TNS1: variants seen among roughly 807,000 people sequenced by gnomAD.
TNS1 encodes the protein tensin-1.
A neutral mutation model predicts 168.6 loss-of-function variants in TNS1; 62 were observed. That is an observed-to-expected ratio of 0.37 (90% CI 0.30 to 0.45). TNS1 has a LOEUF of 0.45. Among genes scored for constraint, TNS1 ranks in the 20% least tolerant of loss-of-function variants. The probability of loss-of-function intolerance (pLI) is 1.00; values close to 1 mark genes in which losing one functional copy is unlikely to be tolerated. For missense variants in TNS1, 2,240 were observed against 2,339.4 expected (o/e 0.96, Z 0.88); for synonymous variants, 934 against 933.2 (o/e 1.00, Z -0.02).
At chr2:218,026,272 C>T (rs114281556) in intron 1 of TNS1, among the ~76,000 whole-genome samples, 6 of 152,122 alleles carry the variant, frequency 3.9e-5, no homozygotes, top group Admixed American at 2.0e-4. Flanking sequence ...AGTGTAAGCT[C>T]GAAGGCCGCT....
rs79242024 is a variant in TNS1 at position 217,905,933 on chromosome 2, C to A, written c.321+402G>T. Among the ~76,000 whole-genome samples the A allele has an allele frequency of 5.4e-3, 819 of 152,348 alleles. 8 individuals carry two copies. Among genetic ancestry groups the A allele is most frequent in the African/African-American group, 0.019 (804 of 41,576 alleles). ...GCTTGCTATTTTCTAAGACTCTTGT[C>A]TCCAGGGAAGCACTACCACTTCCCC... On this transcript the variant is annotated intron_variant, in intron 6 of 32. Transcript: ENST00000682258.
chr2:217,847,498 A>C lies in TNS1; in HGVS notation c.3007+12T>G. The C allele has an allele frequency of 1.4e-6, 2 of 1,442,774 alleles. No individual in the cohort carries two copies. Among genetic ancestry groups the C allele is most frequent in the Non-Finnish European group, 1.8e-6 (2 of 1,089,814 alleles). The allele number at this position is 1,442,774 out of a possible 1,614,324, so 89.4% of individuals were successfully genotyped here. A position where few individuals can be genotyped will look rare whatever the true frequency, so the allele number is the denominator to read the frequency against. On this transcript the variant is annotated intron_variant, in intron 19 of 32. Transcript: ENST00000682258. ...GAAGGGGTAGAAGGAGTCAGGACTG[A>C]ATACCTCTTACCTGCTACCCTGTGG...
rs917796808 is a variant in TNS1, at chr2:218,033,751, C to T, written c.156+69G>A. ...CTGGCTACTTAACCTGTGTCAGGTGCCCTGGGCTCTGCCAACCGCCAGCTC... is the reference window on the plus strand; with the variant it reads ...CTGGCTACTTAACCTGTGTCAGGTGTCCTGGGCTCTGCCAACCGCCAGCTC... On this transcript the variant is annotated intron_variant, in intron 1 of 1. Coordinates refer to the TNS1 transcript ENST00000649572. The surrounding 1 kb of genome is among the most constrained non-coding windows in gnomAD (Gnocchi z 4.3). Among the ~76,000 whole-genome samples, 4 of 152,218 alleles carry T rather than the reference C, an allele frequency of 2.6e-5. No homozygotes were observed. The highest frequency in any genetic ancestry group is 4.4e-5 in the Non-Finnish European group (3 of 68,046).
At chr2:218,017,221 C>G (rs1441662201) in intron 1 of TNS1, among the ~76,000 whole-genome samples, 2 of 152,230 alleles carry the variant, frequency 1.3e-5, no homozygotes, top group Non-Finnish European at 2.9e-5. Context: ...TCTTTCCCAC[C>G]CCAAGGATCC....
At chr2:217,917,174 C>A (rs1433358303) in intron 4 of TNS1, among the ~76,000 whole-genome samples, 1 of 152,118 alleles carries the variant, frequency 6.6e-6, no homozygotes, top group Non-Finnish European at 1.5e-5. Context: ...TCCCCCATGG[C>A]CCCCCACCTT....
rs1328436902 is a variant in TNS1 at position 217,880,113 on chromosome 2, C to T, written c.1429+785G>A. On this transcript the variant is annotated intron_variant, in intron 18 of 32. Coordinates refer to ENST00000682258, the MANE Select transcript of TNS1 (RefSeq NM_001387777.1). The surrounding 1 kb of genome is among the most constrained non-coding windows in gnomAD (Gnocchi z 4.2). ...AAGAAGCTTGTGGCCAAACCCCAGG[C>T]AGGGCATCTCAAGAGTTCCTGGGCT... 6.6e-6 allele frequency among the ~76,000 whole-genome samples: 1 copy of T among 152,218 alleles called. No individual in the cohort carries two copies.
At chr2:217,949,895 C>A (rs1179406316) in intron 3 of TNS1, among the ~76,000 whole-genome samples, 1 of 152,172 alleles carries the variant, frequency 6.6e-6, no homozygotes, top group African/African-American at 2.4e-5. Context: ...CCATAAAAAA[C>A]CTGAATCGAT....
rs577862041 is a variant in TNS1, at chr2:217,953,909, T to C, written c.186+24856A>G. Among the ~76,000 whole-genome samples, 6 of 152,318 alleles carry C rather than the reference T, an allele frequency of 3.9e-5. No individual in the cohort carries two copies. The South Asian group carries it at 1.0e-3, about 26-fold the overall frequency. ...ACACCAGGTGGCCAGCTGTCCCCCT[T>C]GGGTACCTCTCCTGGGTTTCAGCTG... is the stretch of plus-strand genomic sequence containing the variant. On this transcript the variant is annotated intron_variant, in intron 3 of 32. Coordinates refer to ENST00000682258, the MANE Select transcript of TNS1 (RefSeq NM_001387777.1).
chr2:217,824,277 A>G (rs1943299724), intron 22 of TNS1, among the ~76,000 whole-genome samples: 1 of 152,202 alleles, frequency 6.6e-6, no homozygotes, highest in South Asian at 2.1e-4. Context: ...GCCAGGACAC[A>G]TGGATAATTA....
At chr2:217,881,808 T>A (rs1219473106) in intron 17 of TNS1, 1 of 152,280 alleles carries the variant, frequency 6.6e-6, no homozygotes, top group Non-Finnish European at 1.5e-5. Flanking sequence ...TCAGGGTGAG[T>A]TACCTTCCTG....
intron 3 of TNS1, among the ~76,000 whole-genome samples, chr2:217,973,141 C>T (rs1414675675): frequency 1.3e-5 from 2 of 151,846 alleles, no homozygotes; most frequent in Admixed American, 1.3e-4. Context: ...ATCACTTGAG[C>T]CCAGGAGTTC....
At chr2:217,822,324 A>G (rs1942997699) in intron 22 of TNS1, among the ~76,000 whole-genome samples, 2 of 152,122 alleles carry the variant, frequency 1.3e-5, no homozygotes, top group South Asian at 4.1e-4. Flanking sequence ...GGGGCCCTAC[A>G]GTGGGCCCAG....
At chr2:217,947,649 C>T (rs1038288268) in intron 3 of TNS1, among the ~76,000 whole-genome samples, 3 of 151,918 alleles carry the variant, frequency 2.0e-5, no homozygotes, top group South Asian at 2.1e-4. Flanking sequence ...AGAGAAGGGA[C>T]GCGACAGAAA....
chr2:217,968,808 C>T (rs763934130), intron 3 of TNS1, among the ~76,000 whole-genome samples: 28 of 152,294 alleles, frequency 1.8e-4, no homozygotes, highest in African/African-American at 5.8e-4. Context: ...GATCTTCCTA[C>T]GTCAGCCTCC....
intron 24 of TNS1, among the ~76,000 whole-genome samples, chr2:217,815,716 A>G (rs541209155): frequency 6.6e-6 from 1 of 152,128 alleles, no homozygotes; most frequent in Non-Finnish European, 1.5e-5. Flanking sequence ...CATGGCCTAA[A>G]ACACTTGCTT....
chr2:217,870,423 A>C (rs1450518611), intron 18 of TNS1, among the ~76,000 whole-genome samples: 2 of 152,272 alleles, frequency 1.3e-5, no homozygotes, highest in Admixed American at 6.5e-5. Flanking sequence ...AAGCAGCTTT[A>C]GGTGAGTAAG....
At chr2:217,863,189 G>A (rs1948949315) in intron 18 of TNS1, among the ~76,000 whole-genome samples, 2 of 152,140 alleles carry the variant, frequency 1.3e-5, no homozygotes. Flanking sequence ...CCGGGTCCCA[G>A]AACAGAAGGA....
intron 3 of TNS1, among the ~76,000 whole-genome samples, chr2:217,937,962 G>T (rs540289048): frequency 1.3e-5 from 2 of 152,258 alleles, no homozygotes; most frequent in Non-Finnish European, 2.9e-5. Context: ...TCCCATACAG[G>T]GTGGCTGGAG....
rs559511473 is a variant in TNS1 at position 217,943,603 on chromosome 2, G to A, written c.187-23367C>T. Among the ~76,000 whole-genome samples, 93 of 152,232 alleles carry A rather than the reference G, an allele frequency of 6.1e-4. 1 individual carries two copies. The highest frequency in any genetic ancestry group is 2.2e-3 in the African/African-American group (90 of 41,554). ...TGCTCTCTCAGAGCAGGGACAAGCCGCACCCCAGACATCCCTGCCAGAACC... is the reference window on the plus strand; with the variant it reads ...TGCTCTCTCAGAGCAGGGACAAGCCACACCCCAGACATCCCTGCCAGAACC... On this transcript the variant is annotated intron_variant, in intron 3 of 32. Coordinates refer to ENST00000682258, the MANE Select transcript of TNS1 (RefSeq NM_001387777.1).
Sources: gnomAD v4.1 joint callset for allele counts (sites outside exome capture counted in the v4.1 genomes callset) on GRCh38, gnomAD v4.1.1 for gene constraint, Gnocchi (gnomAD v3.1) non-coding constraint, MANE v1.5 for transcripts, NCBI Gene and HGNC (gene_info 2026-07-23, HGNC 2026-07-21) for gene names.